SUGCT: variants seen among roughly 807,000 people sequenced by gnomAD.
SUGCT encodes succinyl-CoA:glutarate-CoA transferase.
A neutral mutation model predicts 55.0 loss-of-function variants in SUGCT; 41 were observed. That is an observed-to-expected ratio of 0.74 (90% CI 0.58 to 0.97). The LOEUF (loss-of-function observed/expected upper bound fraction) is 0.97, where lower values mean the gene tolerates loss of function less well. Ranked by LOEUF, SUGCT falls within the 50% of genes least tolerant of loss-of-function variation. The pLI is 0.00. For synonymous variants in SUGCT, 187 were observed against 200.4 expected, an observed-to-expected ratio of 0.93 and a Z score of 0.56; for missense variants, 568 against 547.8, an observed-to-expected ratio of 1.04 and a Z score of -0.37.
At chr7:40,319,780 G>A (rs1795628850) in intron 9 of SUGCT, among the ~76,000 whole-genome samples, 1 of 152,080 alleles carries the variant, frequency 6.6e-6, no homozygotes, top group South Asian at 2.1e-4. Context: ...GCTACTTGTT[G>A]AACATGTTGG....
the SUGCT span, among the ~76,000 whole-genome samples, chr7:40,883,868 G>C: frequency 1.5e-4 from 23 of 152,200 alleles, no homozygotes; most frequent in South Asian, 6.2e-4. Flanking sequence ...CCACTGAACT[G>C]GATCCCCACT....
At chr7:40,464,987 GA>G (rs1790023403) in intron 11 of SUGCT, among the ~76,000 whole-genome samples, 1 of 152,158 alleles carries the variant, frequency 6.6e-6, no homozygotes, top group Admixed American at 6.5e-5. Flanking sequence ...GCTGCTTTTG[GA>G]AAAATGTTAC....
At chr7:40,781,470 C>A (rs772636451) in intron 13 of SUGCT, among the ~76,000 whole-genome samples, 19 of 151,794 alleles carry the variant, frequency 1.3e-4, no homozygotes, top group Non-Finnish European at 2.4e-4. Flanking sequence ...AGGGAAGATA[C>A]ACACACACAT....
intron 6 of SUGCT, among the ~76,000 whole-genome samples, chr7:40,221,768 G>A (rs1331392543): frequency 1.3e-5 from 2 of 151,930 alleles, no homozygotes; most frequent in Non-Finnish European, 2.9e-5. Flanking sequence ...TGGGATTATA[G>A]GCCTGAACCA....
chr7:40,738,028 C>T (rs142971254), intron 12 of SUGCT, among the ~76,000 whole-genome samples: 2 of 150,720 alleles, frequency 1.3e-5, no homozygotes, highest in Non-Finnish European at 3.0e-5. Context: ...GGTAAAACCC[C>T]GTTTCTACTA....
At chr7:40,977,814 C>T in the SUGCT span, among the ~76,000 whole-genome samples, 4 of 152,186 alleles carry the variant, frequency 2.6e-5, no homozygotes, top group Non-Finnish European at 5.9e-5. Context: ...TAAATCCCTA[C>T]CTGGGCAGAT....
intron 9 of SUGCT, among the ~76,000 whole-genome samples, chr7:40,424,785 A>G (rs942395673): frequency 6.6e-6 from 1 of 152,134 alleles, no homozygotes; most frequent in Non-Finnish European, 1.5e-5. Context: ...ACAGTTGTTC[A>G]ACTAAGCTAC....
At chr7:40,195,708 CTTTTT>C (rs928397687) in intron 6 of SUGCT, among the ~76,000 whole-genome samples, 13 of 69,416 alleles carry the variant, frequency 1.9e-4, no homozygotes, top group South Asian at 5.9e-4. Context: ...GAAAACAATT[CTTTTT>C]TTTTTTTTTT....
chr7:40,699,411 G>T (rs539304482), intron 12 of SUGCT, among the ~76,000 whole-genome samples: 112 of 152,324 alleles, frequency 7.4e-4, no homozygotes, highest in Non-Finnish European at 1.0e-3. Context: ...CATGGCAGTG[G>T]ACACTGAGTG....
At chr7:40,761,463 C>A (rs1788529387) in intron 13 of SUGCT, among the ~76,000 whole-genome samples, 1 of 152,158 alleles carries the variant, frequency 6.6e-6, no homozygotes, top group African/African-American at 2.4e-5. Context: ...ATGTTCCTTG[C>A]CTAGAGGACC....
chr7:40,791,584 T>C (rs927990055), intron 13 of SUGCT, among the ~76,000 whole-genome samples: 3 of 152,164 alleles, frequency 2.0e-5, no homozygotes, highest in Non-Finnish European at 4.4e-5. Flanking sequence ...AGAAAGATGA[T>C]AGTTTGAGGA....
chr7:40,611,134 A>T (rs1798749630), intron 12 of SUGCT, among the ~76,000 whole-genome samples: 1 of 152,158 alleles, frequency 6.6e-6, no homozygotes, highest in Non-Finnish European at 1.5e-5. Context: ...ACAGTTTTTT[A>T]GTCAGGGTGC....
chr7:40,940,922 G>T, the SUGCT span, among the ~76,000 whole-genome samples: 1 of 152,018 alleles, frequency 6.6e-6, no homozygotes, highest in Non-Finnish European at 1.5e-5. Context: ...AATAGAAATG[G>T]TGAAAGTGGG....
rs2128720037 is a variant in SUGCT, at chr7:40,760,241, T to A, written c.1153+10744T>A. On this transcript the variant is annotated intron_variant, in intron 13 of 13. Transcript: ENST00000335693. ...ACAGCCTGATTCCTCAGAGCAGCATTAATTAAACTGCAAACAATGTTGTGT... is the reference window on the plus strand; with the variant it reads ...ACAGCCTGATTCCTCAGAGCAGCATAAATTAAACTGCAAACAATGTTGTGT... Among the ~76,000 whole-genome samples, 7 of 152,338 alleles carry A rather than the reference T, an allele frequency of 4.6e-5. No homozygotes were observed. The South Asian group carries it at 1.4e-3, about 32-fold the overall frequency.
chr7:40,756,145 G>T (rs576577419), intron 13 of SUGCT, among the ~76,000 whole-genome samples: 1 of 152,210 alleles, frequency 6.6e-6, no homozygotes, highest in Non-Finnish European at 1.5e-5. Flanking sequence ...TGTAAGTAAT[G>T]ATCTAAAACA....
chr7:40,514,472 G>A (rs1321930751), intron 12 of SUGCT, among the ~76,000 whole-genome samples: 2 of 152,022 alleles, frequency 1.3e-5, no homozygotes, highest in African/African-American at 2.4e-5. Flanking sequence ...ACTTTGAGAG[G>A]CCGAGGAGGC....
chr7:40,589,255 T>C (rs1448034659), intron 12 of SUGCT, among the ~76,000 whole-genome samples: 1 of 152,166 alleles, frequency 6.6e-6, no homozygotes, highest in African/African-American at 2.4e-5. Context: ...CTTTAAAATA[T>C]TATCTTTATC....
intron 12 of SUGCT, among the ~76,000 whole-genome samples, chr7:40,737,453 A>G (rs984930360): frequency 1.6e-4 from 25 of 152,278 alleles, no homozygotes; most frequent in African/African-American, 6.0e-4. Flanking sequence ...TATGTCTATT[A>G]TTTTTTCAAA....
intron 12 of SUGCT, among the ~76,000 whole-genome samples, chr7:40,609,213 C>T (rs1160123679): frequency 1.3e-5 from 2 of 152,052 alleles, no homozygotes; most frequent in African/African-American, 4.8e-5. Context: ...TGAAGATTAA[C>T]TTAGGTTCAT....
Sources: allele counts gnomAD v4.1 joint callset (sites outside exome capture counted in the v4.1 genomes callset), GRCh38; gene constraint gnomAD v4.1.1; transcripts MANE v1.5; gene names NCBI Gene and HGNC (gene_info 2026-07-23, HGNC 2026-07-21).